The following PCTP variants were observed in gnomAD, a reference collection of about 807,000 sequenced individuals.
The protein encoded by PCTP is START domain-containing protein 2.
PCTP carries 27 observed loss-of-function variants against 31.0 expected under a neutral mutation model. That is an observed-to-expected ratio of 0.87 (90% CI 0.64 to 1.20). PCTP has a LOEUF of 1.20. PCTP is among the 50% of genes most tolerant of loss of function. The pLI is 0.00. For missense variants in PCTP, 287 were observed against 268.2 expected (o/e 1.07, Z -0.49); for synonymous variants, 108 against 101.2 (o/e 1.07, Z -0.40).
intron 3 of PCTP, among the ~76,000 whole-genome samples, chr17:55,818,812 G>A (rs927772704): frequency 6.6e-6 from 1 of 151,990 alleles, no homozygotes; most frequent in Non-Finnish European, 1.5e-5. Context: ...CTAGAAGATG[G>A]TAAGCCAGTG....
At chr17:55,821,360 G>T (rs1913109844) in intron 3 of PCTP, among the ~76,000 whole-genome samples, 1 of 152,168 alleles carries the variant, frequency 6.6e-6, no homozygotes, top group African/African-American at 2.4e-5. Flanking sequence ...GCAGTTGCTT[G>T]GGATTAAGAA....
chr17:55,771,384 A>G (rs141579430), intron 3 of PCTP, among the ~76,000 whole-genome samples, 199 bp downstream of exon 3: 33 of 152,356 alleles, frequency 2.2e-4, no homozygotes, highest in African/African-American at 7.9e-4. Context: ...TCTGGGCCCA[A>G]CCACATGAAG....
downstream of PCTP, among the ~76,000 whole-genome samples, chr17:55,823,423 A>G (rs1380554606): frequency 6.6e-6 from 1 of 152,246 alleles, no homozygotes; most frequent in Admixed American, 6.5e-5. Context: ...TCAAATGACT[A>G]AAAAGTAGCG....
intron 1 of PCTP, among the ~76,000 whole-genome samples, chr17:55,760,643 A>G (rs1433851913): frequency 6.6e-6 from 1 of 152,186 alleles, no homozygotes; most frequent in Admixed American, 6.5e-5. Context: ...GTTGAAAGTG[A>G]TAATATTCAT....
chr17:55,757,103 A>T (rs1315856583), intron 1 of PCTP, among the ~76,000 whole-genome samples: 1 of 151,926 alleles, frequency 6.6e-6, no homozygotes, highest in African/African-American at 2.4e-5. Context: ...TGGAATCTCA[A>T]ATTTGAGCAT....
downstream of PCTP, among the ~76,000 whole-genome samples, chr17:55,779,991 C>A (rs545694687): frequency 2.0e-5 from 3 of 152,000 alleles, no homozygotes; most frequent in South Asian, 6.2e-4. Context: ...TTTAAGGGGC[C>A]AGAAGTGGGA....
chr17:55,770,289 G>C (rs1216704098), intron 2 of PCTP: 3 of 152,316 alleles, frequency 2.0e-5, no homozygotes, highest in African/African-American at 7.2e-5. Context: ...CCATAGTTCT[G>C]CTGATCTCTA....
chr17:55,836,242 A>G (rs12947778), intron 5 of PCTP, among the ~76,000 whole-genome samples: 26,085 of 152,224 alleles, frequency 0.17, 2,382 homozygotes, highest in Middle Eastern at 0.26. Flanking sequence ...TTCATAAAAA[A>G]TGACATAACC....
chr17:55,828,948 C>A (rs28439965), intron 5 of PCTP, among the ~76,000 whole-genome samples: 10,006 of 152,114 alleles, frequency 0.066, 350 homozygotes, highest in African/African-American at 0.1. Context: ...TCTTCCCAGT[C>A]CCCCCTACAT....
At chr17:55,770,996 G>C (rs914986579) in intron 2 of PCTP, 110 bp from the exon 3 acceptor site, 6 of 772,606 alleles carry the variant, frequency 7.8e-6, no homozygotes, top group Middle Eastern at 2.4e-4. Flanking sequence ...GCCTCAAAAA[G>C]TGCTGGGATT....
chr17:55,812,595 T>A (rs894945909), intron 3 of PCTP, among the ~76,000 whole-genome samples: 3 of 152,162 alleles, frequency 2.0e-5, no homozygotes, highest in Non-Finnish European at 4.4e-5. Flanking sequence ...TGTCAACATT[T>A]CCAGTGGAGC....
At position 55,796,798 on chromosome 17, in the gene PCTP, GGGGAAAA is replaced by G. The variant is rs566716343; in HGVS notation, c.317+9146_317+9152del. Among the ~76,000 whole-genome samples the G allele has an allele frequency of 5.0e-3, 755 of 151,906 alleles. 7 individuals carry two copies. The highest frequency in any genetic ancestry group is 0.017 in the African/African-American group (700 of 41,500). ...AAAAGCAACCATAATTAATTAAGAT[GGGGAAAA>G]GTAAATCAACAGTGGTAAAGAGGAA... On this transcript the variant is annotated intron_variant, in intron 3 of 3. Transcript: ENST00000572536.
At chr17:55,791,810 A>G (rs1276499451) in intron 3 of PCTP, among the ~76,000 whole-genome samples, 1 of 152,122 alleles carries the variant, frequency 6.6e-6, no homozygotes, top group East Asian at 1.9e-4. Flanking sequence ...TACTGGGTAT[A>G]TACCCAAAGG....
chr17:55,835,320 C>T (rs573546627), intron 5 of PCTP, among the ~76,000 whole-genome samples: 1 of 152,312 alleles, frequency 6.6e-6, no homozygotes, highest in Admixed American at 6.5e-5. Context: ...GCATGTTGAA[C>T]TGCTACCTGT....
chr17:55,813,188 TTTG>T (rs1912809775), intron 3 of PCTP, among the ~76,000 whole-genome samples: 1 of 152,226 alleles, frequency 6.6e-6, no homozygotes, highest in Admixed American at 6.5e-5. Flanking sequence ...GTGCTTGTGA[TTTG>T]TTACACTGTT....
At chr17:55,847,852 A>G in the PCTP span, among the ~76,000 whole-genome samples, 1 of 152,228 alleles carries the variant, frequency 6.6e-6, no homozygotes, top group African/African-American at 2.4e-5. Context: ...TCTACTGTTC[A>G]GTCTACCAAT....
intron 1 of PCTP, among the ~76,000 whole-genome samples, chr17:55,765,564 A>G (rs926631572): frequency 2.6e-5 from 4 of 152,160 alleles, no homozygotes; most frequent in Admixed American, 6.6e-5. Context: ...TCAAATCACC[A>G]TCATTTCTTA....
intron 5 of PCTP, among the ~76,000 whole-genome samples, chr17:55,829,985 G>A (rs112525240): frequency 2.4e-4 from 37 of 152,254 alleles, no homozygotes; most frequent in African/African-American, 6.0e-4. Flanking sequence ...GTCTCCTATC[G>A]TCTGTGTTTT....
chr17:55,775,120 A>G (rs1911257385), intron 5 of PCTP, among the ~76,000 whole-genome samples: 1 of 151,806 alleles, frequency 6.6e-6, no homozygotes. Context: ...CGCCAGAATC[A>G]CTCTCTGGAA....
Sources: gnomAD v4.1 joint callset for allele counts (sites outside exome capture counted in the v4.1 genomes callset) on GRCh38, gnomAD v4.1.1 for gene constraint, MANE v1.5 for transcripts, NCBI Gene and HGNC (gene_info 2026-07-23, HGNC 2026-07-21) for gene names.